Variants in ICAM1 observed in about 807,000 individuals in gnomAD.
ICAM1 encodes ICAM-1.
Under a neutral mutation model 42.3 loss-of-function variants are expected in ICAM1, and 28 were observed. That is an observed-to-expected ratio of 0.66 (90% CI 0.49 to 0.91). The LOEUF is 0.91. Ranked by LOEUF, ICAM1 falls within the 40% of genes least tolerant of loss-of-function variation. The pLI is 0.00. For missense variants in ICAM1, 637 were observed against 688.6 expected (o/e 0.93, Z 0.84); for synonymous variants, 304 against 305.9 (o/e 0.99, Z 0.07).
chr19:10,275,552 CTG>C lies in ICAM1; in HGVS notation c.331+525_331+526del, dbSNP rs531380936. On this transcript the variant is annotated intron_variant, in intron 2 of 6. Transcript: ENST00000264832. ...CACTCTTTGAACATATGACACGGTC[CTG>C]CTTCAGACACTTTAATAAAAGATGC... Among the ~76,000 whole-genome samples the C allele has an allele frequency of 2.0e-4, 30 of 152,204 alleles. No homozygotes were observed. The South Asian group carries it at 3.7e-3, about 19-fold the overall frequency.
intron 2 of ICAM1, among the ~76,000 whole-genome samples, chr19:10,278,649 C>T (rs184482489): frequency 7.3e-6 from 1 of 136,386 alleles, no homozygotes; most frequent in East Asian, 2.4e-4. Flanking sequence ...TCAAGCAGTT[C>T]TCCTGCCTCA....
chr19:10,283,770 C>T lies in ICAM1; in HGVS notation c.621C>T (p.Tyr207=). Residue 207 remains tyrosine, a synonymous_variant, in exon 3 of 7, where the codon TAC becomes TAT. Coordinates refer to ENST00000264832, the MANE Select transcript of ICAM1 (RefSeq NM_000201.3). The part of the protein sequence containing the change: ...LELFENTSAP[Y]QLQTFVLPAT... Reference sequence around the variant, plus strand: ...TGTTTGAGAACACCTCGGCCCCCTACCAGCTCCAGACCTTTGGTGAGGATT... The same window carrying T: ...TGTTTGAGAACACCTCGGCCCCCTATCAGCTCCAGACCTTTGGTGAGGATT... 5.6e-6 allele frequency: 9 copies of T among 1,607,614 alleles called. No homozygotes were observed. The highest frequency in any genetic ancestry group is 7.6e-6 in the Non-Finnish European group (9 of 1,176,870).
rs558606469 is a variant in ICAM1, at chr19:10,275,672, A to G, written c.331+644A>G. 2.0e-5 allele frequency among the ~76,000 whole-genome samples: 3 copies of G among 150,596 alleles called. No individual in the cohort carries two copies. In the South Asian group the frequency reaches 6.3e-4, roughly 32 times the overall value. ...GGTTTGAGCCCAGGAGTTTGAGACC[A>G]GCCTGGGCAACAGAGTGAGACCCTG... On this transcript the variant is annotated intron_variant, in intron 2 of 6. Transcript: ENST00000264832.
In ICAM1 at chr19:10,285,382, C is replaced by A; in HGVS notation, c.*95C>A. The A allele has an allele frequency of 8.1e-7, 1 of 1,229,794 alleles. No individual in the cohort carries two copies. Among genetic ancestry groups the A allele is most frequent in the Non-Finnish European group, 1.1e-6 (1 of 876,188 alleles). 76.2% of individuals were successfully genotyped at this position (1,229,794 alleles called of 1,614,324 possible). ...GTGGAAGACATATGCCATGCAGCTA[C>A]ACCTACCGGCCCTGGGACGCCGGAG... On this transcript the variant is annotated 3_prime_UTR_variant, in exon 7 of 7. Transcript: ENST00000264832.
rs772418086 is a variant in ICAM1 at position 10,284,982 on chromosome 19, G to C, written c.1380G>C (p.Arg460Ser). 6.2e-7 allele frequency: 1 copy of C among 1,612,960 alleles called. No homozygotes were observed. The highest frequency in any genetic ancestry group is 8.5e-7 in the Non-Finnish European group (1 of 1,179,374). Residue 460 changes from arginine (R) to serine (S), a missense_variant, in exon 6 of 7, where the codon AGG becomes AGC. Coordinates refer to ENST00000264832, the MANE Select transcript of ICAM1 (RefSeq NM_000201.3). This position sits in a 1 kb window ranked among gnomAD's most constrained non-coding sequence, Gnocchi z 5.4. ...DLEGTYLCRA[R>S]STQGEVTRKV... ...AGGGCACCTACCTCTGTCGGGCCAG[G>C]AGCACTCAAGGGGAGGTCACCCGCA...
intron 3 of ICAM1, 92 bp from the exon 4 acceptor site, chr19:10,283,941 A>G (rs573054931): frequency 3.9e-5 from 58 of 1,498,104 alleles, no homozygotes; most frequent in Non-Finnish European, 5.1e-5. Flanking sequence ...GTGGCCCTGG[A>G]AGAGGATCTC....
intron 1 of ICAM1, among the ~76,000 whole-genome samples, chr19:10,273,322 G>A (rs1048574347): frequency 8.6e-5 from 13 of 151,820 alleles, no homozygotes; most frequent in African/African-American, 1.5e-4. Context: ...GAGAAACCCC[G>A]TCTCTACTAA....
At position 10,284,284 on chromosome 19, in the gene ICAM1, C is replaced by G; in HGVS notation, c.889C>G (p.Gln297Glu). The G allele has an allele frequency of 6.2e-7, 1 of 1,613,850 alleles. No homozygotes were observed. Among genetic ancestry groups the G allele is most frequent in the Non-Finnish European group, 8.5e-7 (1 of 1,180,028 alleles). The change falls in exon 4 of 7, where the codon CAG becomes GAG. Residue 297 changes from glutamine (Q) to glutamate (E), a missense_variant. Coordinates refer to ENST00000264832, the MANE Select transcript of ICAM1 (RefSeq NM_000201.3). This position sits in a 1 kb window ranked among gnomAD's most constrained non-coding sequence, Gnocchi z 5.4. ...RLTCAVILGN[Q>E]SQETLQTVTI... ...GACGTGTGCAGTAATACTGGGGAAC[C>G]AGAGCCAGGAGACACTGCAGACAGT...
At chr19:10,283,952 G>A (rs1204210815) in intron 3 of ICAM1, 81 bp from the exon 4 acceptor site, 24 of 1,512,268 alleles carry the variant, frequency 1.6e-5, no homozygotes, top group South Asian at 1.5e-4. Context: ...AGAGGATCTC[G>A]CAGGAGGGGG....
At position 10,284,254 on chromosome 19, in the gene ICAM1, C is replaced by T. The variant is rs989473316; in HGVS notation, c.859C>T (p.Arg287Trp). 1.1e-5 allele frequency: 17 copies of T among 1,613,802 alleles called. No individual in the cohort carries two copies. The highest frequency in any genetic ancestry group is 2.2e-5 in the South Asian group (2 of 91,084). Residue 287 changes from arginine (R) to tryptophan (W), a missense_variant, in exon 4 of 7, where the codon CGG (arginine) becomes TGG (tryptophan). Arg to Trp is a moderately radical substitution (Grantham distance 101). Transcript: ENST00000264832. This position sits in a 1 kb window ranked among gnomAD's most constrained non-coding sequence, Gnocchi z 5.4. ...GACCGCAGAGGACGAGGGCACCCAG[C>T]GGCTGACGTGTGCAGTAATACTGGG... ...SVTAEDEGTQRLTCAVILGNQ... is the reference protein window; with the variant it reads ...SVTAEDEGTQWLTCAVILGNQ...
rs560570602 is a variant in ICAM1 at position 10,279,163 on chromosome 19, A to G, written c.331+4135A>G. Among the ~76,000 whole-genome samples, 10 of 152,194 alleles carry G rather than the reference A, an allele frequency of 6.6e-5. No homozygotes were observed. In the South Asian group the frequency reaches 1.5e-3, roughly 22 times the overall value. The stretch of plus-strand genomic sequence containing the variant: ...CTTTGAAGGATGTGTAGGAGTTCAT[A>G]AGGACAGGCATTCTGGGCAGGAGGA... On this transcript the variant is annotated intron_variant, in intron 2 of 6. Transcript: ENST00000264832.
At chr19:10,273,627 T>C (rs1419929361) in intron 1 of ICAM1, among the ~76,000 whole-genome samples, 1 of 151,942 alleles carries the variant, frequency 6.6e-6, no homozygotes, top group African/African-American at 2.4e-5. Flanking sequence ...ATTGTGCCAC[T>C]GTATTCCAGC....
chr19:10,285,365 C>G lies in ICAM1; in HGVS notation c.*78C>G, dbSNP rs922227712. On this transcript the variant is annotated 3_prime_UTR_variant, in exon 7 of 7. Coordinates refer to ENST00000264832, the MANE Select transcript of ICAM1 (RefSeq NM_000201.3). The stretch of plus-strand genomic sequence containing the variant: ...GTGCCACACTGAACAGAGTGGAAGA[C>G]ATATGCCATGCAGCTACACCTACCG... 28 of 1,398,114 alleles carry G rather than the reference C, an allele frequency of 2.0e-5. No individual in the cohort carries two copies. The highest frequency in any genetic ancestry group is 2.8e-5 in the Non-Finnish European group (28 of 1,010,252). 86.6% of individuals were successfully genotyped at this position (1,398,114 alleles called of 1,614,324 possible). A position where few individuals can be genotyped will look rare whatever the true frequency, so the allele number is the denominator to read the frequency against.
At position 10,285,185 on chromosome 19, in the gene ICAM1, C is replaced by G. The variant is rs2040094750; in HGVS notation, c.1497C>G (p.Ser499Arg). 6.2e-7 allele frequency: 1 copy of G among 1,614,004 alleles called. No homozygotes were observed. ...AAVIMGTAGL[S>R]TYLYNRQRKI... is the part of the protein sequence containing the mutation. ...TCATAATGGGCACTGCAGGCCTCAGCACGTACCTCTATAACCGCCAGCGGA... is the reference window on the plus strand; with the variant it reads ...TCATAATGGGCACTGCAGGCCTCAGGACGTACCTCTATAACCGCCAGCGGA... The change falls in exon 7 of 7, where the codon AGC becomes AGG. Residue 499 changes from serine to arginine, a missense_variant. Physicochemically the swap from Ser to Arg is moderately radical, Grantham distance 110. Transcript: ENST00000264832.
At position 10,283,602 on chromosome 19, in the gene ICAM1, C is replaced by G; in HGVS notation, c.453C>G (p.Leu151=). The part of the protein sequence containing the change: ...APRANLTVVL[L]RGEKELKREP... ...GGGCCAACCTCACCGTGGTGCTGCT[C>G]CGTGGGGAGAAGGAGCTGAAACGGG... The change falls in exon 3 of 7, where the codon CTC becomes CTG. Residue 151 remains leucine (L), a synonymous_variant. Coordinates refer to ENST00000264832, the MANE Select transcript of ICAM1 (RefSeq NM_000201.3). 6.2e-7 allele frequency: 1 copy of G among 1,613,962 alleles called. No individual in the cohort carries two copies. Among genetic ancestry groups the G allele is most frequent in the Non-Finnish European group, 8.5e-7 (1 of 1,179,986 alleles).
Position 10,285,959 on chromosome 19 carries a change from G to A in ICAM1, c.*672G>A, listed in dbSNP as rs1218343448. ...GAGTGCCTGGCAAAAAGATCAAATG[G>A]GGCTGGGACTTCTCATTGGCCAACC... On this transcript the variant is annotated 3_prime_UTR_variant, in exon 7 of 7. Transcript: ENST00000264832. 6.6e-6 allele frequency: 1 copy of A among 152,450 alleles called. No individual in the cohort carries two copies. Among genetic ancestry groups the A allele is most frequent in the African/African-American group, 2.4e-5 (1 of 41,430 alleles). The allele number at this position is 152,450 out of a possible 1,614,324, so 9.4% of individuals were successfully genotyped here.
chr19:10,275,773 T>A (rs1238553311), intron 2 of ICAM1, among the ~76,000 whole-genome samples: 1 of 147,486 alleles, frequency 6.8e-6, no homozygotes, highest in Admixed American at 6.8e-5. Flanking sequence ...AGTGGTGTGA[T>A]CTCGGCTCAC....
rs41276880 is a variant in ICAM1 at position 10,284,826 on chromosome 19, G to A, written c.1224G>A (p.Thr408=). The change falls in exon 6 of 7, where the codon ACG becomes ACA. Residue 408 remains threonine, a synonymous_variant. Transcript: ENST00000264832. This position sits in a 1 kb window ranked among gnomAD's most constrained non-coding sequence, Gnocchi z 5.4. ...AGAGGGATTGTCCGGGAAACTGGAC[G>A]TGGCCAGAAAATTCCCAGCAGACTC... ...LDERDCPGNW[T]WPENSQQTPM... 17,834 of 1,596,898 alleles carry A rather than the reference G, an allele frequency of 0.011. 130 individuals carry two copies. Among genetic ancestry groups the A allele is most frequent in the Non-Finnish European group, 0.014 (16,562 of 1,175,538 alleles).
chr19:10,271,720 C>A (rs375788032), intron 1 of ICAM1, among the ~76,000 whole-genome samples: 1 of 152,188 alleles, frequency 6.6e-6, no homozygotes, highest in Non-Finnish European at 1.5e-5. Flanking sequence ...GCCAACCCAA[C>A]AAGGCTTAAG....
Sources: gnomAD v4.1 joint callset for allele counts (sites outside exome capture counted in the v4.1 genomes callset) on GRCh38, gnomAD v4.1.1 for gene constraint, Gnocchi (gnomAD v3.1) non-coding constraint, MANE v1.5 for transcripts, NCBI Gene and HGNC (gene_info 2026-07-23, HGNC 2026-07-21) for gene names.